Variants in CELF2 observed in about 807,000 individuals in gnomAD.
The protein encoded by CELF2 is CUGBP Elav-like family member 2.
In CELF2, 8 loss-of-function variants were observed where a neutral mutation model predicts 62.6. That is an observed-to-expected ratio of 0.13 (90% confidence interval 0.07 to 0.23). CELF2 has a LOEUF of 0.23. Among genes scored for constraint, CELF2 ranks in the 10% least tolerant of loss-of-function variants. The probability of loss-of-function intolerance (pLI) is 1.00; values close to 1 mark genes in which losing one functional copy is unlikely to be tolerated. For synonymous variants in CELF2, 258 were observed against 250.0 expected (o/e 1.03, Z -0.30); for missense variants, 333 against 671.0 (o/e 0.50, Z 5.56).
the CELF2 span, among the ~76,000 whole-genome samples, chr10:10,527,846 A>G: frequency 5.9e-5 from 9 of 152,360 alleles, no homozygotes; most frequent in Non-Finnish European, 1.2e-4. Flanking sequence ...ATGCAATCCT[A>G]AGAGACTGAC....
rs1000901463 is a variant in CELF2 at position 10,870,792 on chromosome 10, C to G, written c.54-49172C>G. The stretch of plus-strand genomic sequence containing the variant: ...GAGTGCACACCTGCCACATCCCAGG[C>G]AGCACCAGAGCACGGTGACAGTCGC... On this transcript the variant is annotated intron_variant, in intron 1 of 13. Transcript: ENST00000636488. Among the ~76,000 whole-genome samples, 4 of 152,336 alleles carry G rather than the reference C, an allele frequency of 2.6e-5. No homozygotes were observed. In the South Asian group the frequency reaches 8.3e-4, roughly 32 times the overall value.
intron 2 of CELF2, among the ~76,000 whole-genome samples, chr10:10,942,430 A>G (rs1028126847): frequency 1.3e-4 from 20 of 152,198 alleles, no homozygotes; most frequent in Non-Finnish European, 1.5e-5. Context: ...CTTATGGTCT[A>G]TTGGAATGAG....
chr10:11,209,906 A>G (rs1159285599), intron 2 of CELF2, among the ~76,000 whole-genome samples: 2 of 152,222 alleles, frequency 1.3e-5, no homozygotes, highest in East Asian at 1.9e-4. Context: ...CTTGCATGCT[A>G]CTGACTTGAC....
the CELF2 span, among the ~76,000 whole-genome samples, chr10:10,494,354 G>T: frequency 6.6e-6 from 1 of 152,190 alleles, no homozygotes; most frequent in Non-Finnish European, 1.5e-5. Context: ...AGTAGGCTTT[G>T]TTACTGAATG....
chr10:10,727,569 G>C, the CELF2 span, among the ~76,000 whole-genome samples: 1 of 152,084 alleles, frequency 6.6e-6, no homozygotes, highest in Non-Finnish European at 1.5e-5. Context: ...GAGGTCGGGA[G>C]ATCGAGACCA....
chr10:10,766,980 C>A, the CELF2 span, among the ~76,000 whole-genome samples: 1 of 152,194 alleles, frequency 6.6e-6, no homozygotes, highest in African/African-American at 2.4e-5. Flanking sequence ...TATCTCAACC[C>A]ACTTCCACTT....
At chr10:11,004,414 T>TGCGC (rs998904748), upstream of CELF2, among the ~76,000 whole-genome samples, 22 of 139,712 alleles carry the variant, frequency 1.6e-4, no homozygotes, top group African/African-American at 6.2e-4. The surrounding 1 kb of genome is among the most constrained non-coding windows in gnomAD (Gnocchi z 5.0). Flanking sequence ...TGTGTGTGTG[T>TGCGC]GCGCGCGCGT....
the CELF2 span, among the ~76,000 whole-genome samples, chr10:10,533,933 A>G: frequency 6.6e-6 from 1 of 152,208 alleles, no homozygotes; most frequent in African/African-American, 2.4e-5. Flanking sequence ...GAGTATGAAG[A>G]AAACAAAATA....
intron 2 of CELF2, among the ~76,000 whole-genome samples, chr10:11,195,972 A>AC (rs772007418): frequency 1.8e-3 from 271 of 152,326 alleles, no homozygotes; most frequent in Middle Eastern, 3.4e-3. Flanking sequence ...ATGGCAAAAC[A>AC]AAGTATTCAT....
Position 11,330,762 on chromosome 10 carries a change from T to TAAAACAGACTTGAAAGTATTATACAGGG in CELF2, c.*1711_*1738dup. On this transcript the variant is annotated 3_prime_UTR_variant, in exon 13 of 13. Transcript: ENST00000633077. This position sits in a 1 kb window ranked among gnomAD's most constrained non-coding sequence, Gnocchi z 4.5. ...TTCTTTCTTATTTTTTTTCTTTTCC[T>TAAAACAGACTTGAAAGTATTATACAGGG]AAAACAGACTTGAAAGTATTATACA... 6.6e-6 allele frequency: 1 copy of TAAAACAGACTTGAAAGTATTATACAGGG among 152,630 alleles called. No homozygotes were observed. Among genetic ancestry groups the TAAAACAGACTTGAAAGTATTATACAGGG allele is most frequent in the Non-Finnish European group, 1.5e-5 (1 of 68,030 alleles). The allele number at this position is 152,630 out of a possible 1,614,324, so 9.5% of individuals were successfully genotyped here.
chr10:10,643,398 A>T, the CELF2 span, among the ~76,000 whole-genome samples: 1 of 152,110 alleles, frequency 6.6e-6, no homozygotes, highest in East Asian at 1.9e-4. Flanking sequence ...TCCCCTGCAC[A>T]TGCTCTCTTG....
chr10:10,766,055 G>C, the CELF2 span, among the ~76,000 whole-genome samples: 10 of 152,298 alleles, frequency 6.6e-5, no homozygotes, highest in African/African-American at 2.2e-4. Context: ...GAGAAACCAA[G>C]TGCTCCTATG....
At chr10:11,053,047 T>A (rs2064271733) in intron 1 of CELF2, among the ~76,000 whole-genome samples, 1 of 152,224 alleles carries the variant, frequency 6.6e-6, no homozygotes, top group South Asian at 2.1e-4. Context: ...TTCATTACTT[T>A]AAAATTTATT....
chr10:11,127,209 G>T (rs568164243), intron 1 of CELF2, among the ~76,000 whole-genome samples: 1 of 152,204 alleles, frequency 6.6e-6, no homozygotes, highest in South Asian at 2.1e-4. Flanking sequence ...TCATGTCCCT[G>T]TAAAGGACAT....
chr10:11,143,453 C>T (rs1019129619), intron 1 of CELF2, among the ~76,000 whole-genome samples: 44 of 152,288 alleles, frequency 2.9e-4, no homozygotes, highest in African/African-American at 1.1e-3. Flanking sequence ...CTTCAAGTTC[C>T]GGTTTTGTCT....
intron 1 of CELF2, among the ~76,000 whole-genome samples, chr10:10,899,717 C>T (rs1023365299): frequency 1.3e-5 from 2 of 152,112 alleles, no homozygotes; most frequent in Non-Finnish European, 2.9e-5. Flanking sequence ...CTTGGGAGGC[C>T]CCAGGAAACT....
chr10:10,635,045 C>A, the CELF2 span, among the ~76,000 whole-genome samples: 1 of 152,122 alleles, frequency 6.6e-6, no homozygotes, highest in South Asian at 2.1e-4. Flanking sequence ...GGCAAACCAG[C>A]AATTAAATCC....
intron 4 of CELF2, among the ~76,000 whole-genome samples, chr10:11,253,755 C>A (rs2077832553): frequency 6.6e-6 from 1 of 152,108 alleles, no homozygotes. Context: ...GGAAGGTAGA[C>A]TTCAAATGGC....
rs2065370752 is a variant in CELF2, at chr10:11,223,077, C to T, written c.354+5570C>T. On this transcript the variant is annotated intron_variant, in intron 3 of 12. Coordinates refer to ENST00000633077, the MANE Select transcript of CELF2 (RefSeq NM_001326342.2). The surrounding 1 kb of genome is among the most constrained non-coding windows in gnomAD (Gnocchi z 5.1). ...ACTTTCTTATTTGAGGCTTCACCAA[C>T]GATCTCAGTTCCTTGGTGTAATTAT... Among the ~76,000 whole-genome samples the T allele has an allele frequency of 6.6e-6, 1 of 152,212 alleles. No homozygotes were observed. Among genetic ancestry groups the T allele is most frequent in the African/African-American group, 2.4e-5 (1 of 41,450 alleles).
Sources: allele counts gnomAD v4.1 joint callset (sites outside exome capture counted in the v4.1 genomes callset), GRCh38; gene constraint gnomAD v4.1.1; non-coding constraint Gnocchi (gnomAD v3.1); transcripts MANE v1.5; gene names NCBI Gene and HGNC (gene_info 2026-07-23, HGNC 2026-07-21).